The following PLEKHM1 variants were observed in gnomAD, a reference collection of about 807,000 sequenced individuals.
PLEKHM1 encodes the protein pleckstrin homology and RUN domain containing M1.
Under a neutral mutation model 94.3 loss-of-function variants are expected in PLEKHM1, and 28 were observed. That is an observed-to-expected ratio of 0.30 (90% CI 0.22 to 0.41). The LOEUF is 0.41. Ranked by LOEUF, PLEKHM1 falls within the 10% of genes least tolerant of loss-of-function variation. The pLI, the probability that PLEKHM1 is intolerant of heterozygous loss-of-function variation, is 1.00. For missense variants in PLEKHM1, 907 were observed against 1,358.6 expected, an observed-to-expected ratio of 0.67 and a Z score of 5.22; for synonymous variants, 424 against 581.2, an observed-to-expected ratio of 0.73 and a Z score of 3.89.
intron 3 of PLEKHM1, among the ~76,000 whole-genome samples, chr17:45,476,773 G>A (rs1412263756): frequency 2.0e-5 from 3 of 152,130 alleles, no homozygotes; most frequent in East Asian, 1.9e-4. Context: ...GAATGCCTCC[G>A]TCTGATGTAC....
intron 2 of PLEKHM1, among the ~76,000 whole-genome samples, chr17:45,479,900 T>C (rs527666192): frequency 6.6e-6 from 1 of 152,290 alleles, no homozygotes; most frequent in Non-Finnish European, 1.5e-5. Flanking sequence ...AGCATAATTA[T>C]AAGCATGTGA....
Position 45,445,709 on chromosome 17 carries a change from A to T in PLEKHM1, c.2644-46T>A. On this transcript the variant is annotated intron_variant, in intron 8 of 11. Coordinates refer to ENST00000430334, the MANE Select transcript of PLEKHM1 (RefSeq NM_014798.3). The surrounding 1 kb of genome is among the most constrained non-coding windows in gnomAD (Gnocchi z 4.2). ...TGGGGATGGGAAGGAATGGCTGTTCAGTGAGCACTGCCTGGCCAGGTGCCA... is the reference window on the plus strand; with the variant it reads ...TGGGGATGGGAAGGAATGGCTGTTCTGTGAGCACTGCCTGGCCAGGTGCCA... 5 of 1,514,494 alleles carry T rather than the reference A, an allele frequency of 3.3e-6. No individual in the cohort carries two copies. Among genetic ancestry groups the T allele is most frequent in the Non-Finnish European group, 4.6e-6 (5 of 1,089,952 alleles). 93.8% of individuals were successfully genotyped at this position (1,514,494 alleles called of 1,614,324 possible). A position where few individuals can be genotyped will look rare whatever the true frequency, so the allele number is the denominator to read the frequency against.
At chr17:45,464,668 G>A (rs937917314) in intron 5 of PLEKHM1, among the ~76,000 whole-genome samples, 3 of 152,070 alleles carry the variant, frequency 2.0e-5, no homozygotes, top group East Asian at 3.9e-4. Context: ...TTCTCACATC[G>A]GATTCAGCAC....
At chr17:45,483,793 G>A (rs1041455165) in intron 1 of PLEKHM1, among the ~76,000 whole-genome samples, 11 of 152,082 alleles carry the variant, frequency 7.2e-5, no homozygotes, top group Non-Finnish European at 1.0e-4. Flanking sequence ...AAGTTCCTGA[G>A]GTCCCAGGGC....
intron 1 of PLEKHM1, among the ~76,000 whole-genome samples, chr17:45,485,487 G>A (rs1275595755): frequency 2.0e-5 from 3 of 152,078 alleles, no homozygotes; most frequent in African/African-American, 7.2e-5. Flanking sequence ...TTATAGCCCA[G>A]GCCCATTAAG....
intron 6 of PLEKHM1, 125 bp from the exon 7 acceptor site, chr17:45,454,397 A>C (rs563829395): frequency 1.2e-6 from 1 of 839,942 alleles, no homozygotes; most frequent in African/African-American, 1.7e-5. Context: ...AACACAGGCC[A>C]GCCACGGGGC....
At chr17:45,486,583 AAT>A (rs2052138407) in intron 1 of PLEKHM1, among the ~76,000 whole-genome samples, 1 of 152,018 alleles carries the variant, frequency 6.6e-6, no homozygotes, top group African/African-American at 2.4e-5. Context: ...CAAAAAAAAA[AAT>A]TAATAATAAT....
chr17:45,480,467 G>A (rs1369542996), intron 2 of PLEKHM1, among the ~76,000 whole-genome samples: 1 of 151,982 alleles, frequency 6.6e-6, no homozygotes, highest in African/African-American at 2.4e-5. Context: ...CTGGGCAGCA[G>A]AGGGAGACTC....
Position 45,436,996 on chromosome 17 carries a change from G to A in PLEKHM1, c.*862C>T. On this transcript the variant is annotated 3_prime_UTR_variant, in exon 12 of 12. Transcript: ENST00000430334. The stretch of plus-strand genomic sequence containing the variant: ...AGCGCCCCTGTCTGTAGAGGGGTGA[G>A]GAGCGCACGGGGATCGGGGGTGGGC... The A allele has an allele frequency of 2.2e-6, 1 of 453,198 alleles. No homozygotes were observed. Among genetic ancestry groups the A allele is most frequent in the Non-Finnish European group, 4.4e-6 (1 of 225,782 alleles). 28.1% of individuals were successfully genotyped at this position (453,198 alleles called of 1,614,324 possible). A position where few individuals can be genotyped will look rare whatever the true frequency, so the allele number is the denominator to read the frequency against.
At chr17:45,476,896 A>C (rs1009893318) in intron 3 of PLEKHM1, among the ~76,000 whole-genome samples, 12 of 152,196 alleles carry the variant, frequency 7.9e-5, no homozygotes, top group East Asian at 3.9e-4. Context: ...AGCTCAGTAA[A>C]TGTTGACCAG....
Position 45,453,109 on chromosome 17 carries a change from C to T in PLEKHM1, c.2497+246G>A, listed in dbSNP as rs917465186. On this transcript the variant is annotated intron_variant, in intron 7 of 11. Transcript: ENST00000430334. The surrounding 1 kb of genome is among the most constrained non-coding windows in gnomAD (Gnocchi z 4.1). ...GCGCAGTGAGTAGCCAGCCTGCCGC[C>T]CATCAGTGGGAGGTGGCAGGAGAGG... The T allele has an allele frequency of 1.6e-6, 1 of 609,204 alleles. No homozygotes were observed. The highest frequency in any genetic ancestry group is 1.8e-5 in the African/African-American group (1 of 54,140). The allele number at this position is 609,204 out of a possible 1,614,324, so 37.7% of individuals were successfully genotyped here.
chr17:45,489,718 G>C (rs1310117658), intron 1 of PLEKHM1, among the ~76,000 whole-genome samples: 10 of 152,072 alleles, frequency 6.6e-5, no homozygotes, highest in Non-Finnish European at 1.5e-4. Context: ...TGTAACTGCG[G>C]GTCTGAGTGA....
chr17:45,461,312 A>T (rs530768336), intron 5 of PLEKHM1, among the ~76,000 whole-genome samples: 1 of 152,306 alleles, frequency 6.6e-6, no homozygotes, highest in South Asian at 2.1e-4. Flanking sequence ...ACGATTTGCA[A>T]ATAATTTCTC....
In PLEKHM1 at chr17:45,437,750, G is replaced by T; in HGVS notation, c.*108C>A. On this transcript the variant is annotated 3_prime_UTR_variant, in exon 12 of 12. Transcript: ENST00000430334. This position sits in a 1 kb window ranked among gnomAD's most constrained non-coding sequence, Gnocchi z 4.0. ...CCACATCTGAGGGTCTTCCTGACAA[G>T]GGGACACAGCTGTGACACGGTGAGT... is the stretch of plus-strand genomic sequence containing the variant. The T allele has an allele frequency of 1.1e-6, 1 of 887,034 alleles. No homozygotes were observed. The allele number at this position is 887,034 out of a possible 1,614,324, so 54.9% of individuals were successfully genotyped here.
chr17:45,466,752 A>G (rs1221260525), intron 5 of PLEKHM1, among the ~76,000 whole-genome samples: 1 of 152,148 alleles, frequency 6.6e-6, no homozygotes, highest in Non-Finnish European at 1.5e-5. Context: ...CAGGATAAAG[A>G]GCAACTAGAA....
intron 7 of PLEKHM1, among the ~76,000 whole-genome samples, chr17:45,451,570 G>T (rs1202703655): frequency 1.3e-5 from 2 of 152,180 alleles, no homozygotes; most frequent in Admixed American, 1.3e-4. Context: ...TTCAGTGACT[G>T]TAAAATTCAG....
chr17:45,453,382 G>A lies in PLEKHM1; in HGVS notation c.2470C>T (p.Leu824Phe), dbSNP rs1246450817. ...YLVAIPMEKG[L>F]DSQGCFCAGC... Reference sequence around the variant, plus strand: ...GCGCAGAAGCAGCCTTGGGAGTCAAGGCCTTTCTCCATGGGGATAGCCACC... The same window carrying A: ...GCGCAGAAGCAGCCTTGGGAGTCAAAGCCTTTCTCCATGGGGATAGCCACC... The change falls in exon 7 of 12, where the codon CTT becomes TTT. Residue 824 changes from leucine to phenylalanine, a missense_variant. Leu to Phe is a conservative substitution (Grantham distance 22). Around this residue, in one of 3 missense-constraint regions of PLEKHM1, gnomAD observed 254 missense variants for 451.1 expected, o/e 0.56. Transcript: ENST00000430334. The surrounding 1 kb of genome is among the most constrained non-coding windows in gnomAD (Gnocchi z 4.1). The A allele has an allele frequency of 4.3e-6, 7 of 1,613,676 alleles. No homozygotes were observed. The Admixed American group carries it at 1.0e-4, about 23-fold the overall frequency.
intron 5 of PLEKHM1, among the ~76,000 whole-genome samples, chr17:45,463,498 T>C (rs892426404): frequency 6.6e-6 from 1 of 152,236 alleles, no homozygotes; most frequent in Admixed American, 6.5e-5. Flanking sequence ...TTTCAAGTGA[T>C]TCTCCTACCT....
chr17:45,460,288 C>G (rs1009172156), intron 5 of PLEKHM1: 37 of 152,166 alleles, frequency 2.4e-4, no homozygotes, highest in African/African-American at 8.4e-4. Flanking sequence ...GAGACAGAAC[C>G]TCACTCTGTC....
Sources: allele counts gnomAD v4.1 joint callset (sites outside exome capture counted in the v4.1 genomes callset), GRCh38; gene constraint gnomAD v4.1.1; regional missense constraint gnomAD v4.1.1; non-coding constraint Gnocchi (gnomAD v3.1); transcripts MANE v1.5; gene names NCBI Gene and HGNC (gene_info 2026-07-23, HGNC 2026-07-21).